The following FOXP2 variants were observed in gnomAD, a reference collection of about 807,000 sequenced individuals.
FOXP2 encodes the protein forkhead box protein P2.
A neutral mutation model predicts 115.8 loss-of-function variants in FOXP2; 12 were observed. The ratio of observed to expected loss-of-function variants is 0.10; its 90% CI spans 0.07 to 0.17. The LOEUF (loss-of-function observed/expected upper bound fraction) is 0.17. Among genes scored for constraint, FOXP2 ranks in the 10% least tolerant of loss-of-function variants. The pLI is 1.00. For synonymous variants in FOXP2, 328 were observed against 297.7 expected (o/e 1.10, Z -1.05); for missense variants, 629 against 843.5 (o/e 0.75, Z 3.15).
chr7:114,530,759 C>G (rs1340330252), intron 2 of FOXP2, among the ~76,000 whole-genome samples: 1 of 151,758 alleles, frequency 6.6e-6, no homozygotes, highest in Non-Finnish European at 1.5e-5. Flanking sequence ...AAAATTACTA[C>G]TAGTGAAGAA....
At chr7:114,240,546 A>G (rs1795125966) in intron 1 of FOXP2, among the ~76,000 whole-genome samples, 1 of 151,790 alleles carries the variant, frequency 6.6e-6, no homozygotes, top group Admixed American at 6.6e-5. Context: ...TCTTTATTTC[A>G]TGAGTATTGT....
chr7:114,176,905 G>A (rs1037781473), intron 1 of FOXP2, among the ~76,000 whole-genome samples: 2 of 151,974 alleles, frequency 1.3e-5, no homozygotes, highest in Non-Finnish European at 2.9e-5. Context: ...TTAACAACAT[G>A]GATTAGTATT....
intron 2 of FOXP2, among the ~76,000 whole-genome samples, chr7:114,305,476 T>TAC (rs1417058180): frequency 6.6e-6 from 1 of 152,116 alleles, no homozygotes; most frequent in Non-Finnish European, 1.5e-5. Context: ...AATACAGAGG[T>TAC]AGAGTTCTTG....
intron 3 of FOXP2, among the ~76,000 whole-genome samples, chr7:114,585,659 GT>G (rs1802096878): frequency 6.6e-6 from 1 of 151,240 alleles, no homozygotes; most frequent in Non-Finnish European, 1.5e-5. Flanking sequence ...ATGGCCAGGA[GT>G]TAAAGACCAG....
chr7:114,628,843 A>C, intron 4 of FOXP2, 166 bp downstream of exon 4: 1 of 787,508 alleles, frequency 1.3e-6, no homozygotes, highest in Non-Finnish European at 2.0e-6. Context: ...TCGTAAGAAA[A>C]TCTAGATTGC....
intron 3 of FOXP2, among the ~76,000 whole-genome samples, chr7:114,544,587 T>A (rs1489045741): frequency 6.6e-6 from 1 of 152,234 alleles, no homozygotes; most frequent in Non-Finnish European, 1.5e-5. Context: ...CTACTGCTAG[T>A]GCTACTGCAC....
Position 114,344,405 on chromosome 7 carries a change from C to T in FOXP2, c.-11+56296C>T, listed in dbSNP as rs769217990. Among the ~76,000 whole-genome samples the T allele has an allele frequency of 3.9e-5, 6 of 151,908 alleles. No individual in the cohort carries two copies. In the East Asian group the frequency reaches 1.2e-3, roughly 29 times the overall value. On this transcript the variant is annotated intron_variant, in intron 2 of 17. Coordinates refer to the FOXP2 transcript ENST00000634411. ...AGCACAGCGCTCCTTAGCAAGAAGA[C>T]GATTCCCCATTGTATGCCAACATTG...
At chr7:114,559,029 AC>A (rs1485426832) in intron 3 of FOXP2, among the ~76,000 whole-genome samples, 1 of 147,004 alleles carries the variant, frequency 6.8e-6, no homozygotes, top group Non-Finnish European at 1.5e-5. Context: ...AAATCCAGCT[AC>A]CTATTTTTTT....
At chr7:114,363,300 G>T (rs1444661485) in intron 2 of FOXP2, among the ~76,000 whole-genome samples, 3 of 151,960 alleles carry the variant, frequency 2.0e-5, no homozygotes, top group African/African-American at 7.2e-5. Flanking sequence ...TATACTATAT[G>T]CCCATAACAA....
chr7:114,585,322 C>T (rs528857132), intron 3 of FOXP2, among the ~76,000 whole-genome samples: 3 of 152,196 alleles, frequency 2.0e-5, no homozygotes, highest in African/African-American at 7.2e-5. Context: ...GTCAGAAAAT[C>T]TGTATTTCTA....
At chr7:114,222,425 C>T (rs1157627094) in intron 1 of FOXP2, among the ~76,000 whole-genome samples, 1 of 152,200 alleles carries the variant, frequency 6.6e-6, no homozygotes, top group Non-Finnish European at 1.5e-5. Flanking sequence ...GCTGGGATTA[C>T]AGGCATCAGC....
At chr7:114,280,426 A>G (rs555729208) in intron 1 of FOXP2, among the ~76,000 whole-genome samples, 14 of 152,202 alleles carry the variant, frequency 9.2e-5, no homozygotes, top group African/African-American at 2.4e-4. Flanking sequence ...ACCAAACAGT[A>G]TTTATGTTAT....
Position 114,691,881 on chromosome 7 carries a change from AG to A in FOXP2, c.*1958del. ...ATAAAAGGACATAACGGCTTTCAAA[AG>A]GGTTTTCCCACTTACCCAAAAGGCT... On this transcript the variant is annotated 3_prime_UTR_variant, in exon 17 of 17. Coordinates refer to ENST00000350908, the MANE Select transcript of FOXP2 (RefSeq NM_014491.4). The A allele has an allele frequency of 4.4e-6, 2 of 453,224 alleles. No homozygotes were observed. The highest frequency in any genetic ancestry group is 3.1e-5 in the South Asian group (2 of 64,306). 28.1% of individuals were successfully genotyped at this position (453,224 alleles called of 1,614,324 possible).
upstream of FOXP2, chr7:114,414,327 GTCTT>G (rs1190867922): frequency 2.0e-5 from 3 of 152,208 alleles, no homozygotes; most frequent in African/African-American, 7.2e-5. Context: ...GGGAGAGAAA[GTCTT>G]TCTTCTCTGC....
chr7:114,407,475 AC>A (rs1793062254), intron 2 of FOXP2, among the ~76,000 whole-genome samples: 1 of 152,092 alleles, frequency 6.6e-6, no homozygotes, highest in Non-Finnish European at 1.5e-5. Context: ...TGCACTGTGG[AC>A]TTTTTAAGTT....
At chr7:114,087,343 C>T (rs1799440185), upstream of FOXP2, among the ~76,000 whole-genome samples, 1 of 152,180 alleles carries the variant, frequency 6.6e-6, no homozygotes, top group Admixed American at 6.5e-5. Context: ...GTTCCTTTCC[C>T]TGTCCACGCG....
intron 3 of FOXP2, among the ~76,000 whole-genome samples, chr7:114,607,464 T>C (rs571084761): frequency 6.6e-6 from 1 of 152,208 alleles, no homozygotes; most frequent in African/African-American, 2.4e-5. Context: ...AAGATCAGAA[T>C]AGGCTGAGAT....
At chr7:114,359,568 A>G (rs1791697208) in intron 2 of FOXP2, among the ~76,000 whole-genome samples, 1 of 152,232 alleles carries the variant, frequency 6.6e-6, no homozygotes, top group Admixed American at 6.5e-5. Flanking sequence ...GTGGGGCTGT[A>G]TCCAGCAAAG....
Position 114,644,525 on chromosome 7 carries a change from G to A in FOXP2, c.990-160G>A, listed in dbSNP as rs1035271062. On this transcript the variant is annotated intron_variant, in intron 7 of 16. Transcript: ENST00000350908. ...ATTGGAACATCATCTAGCCTTGGCA[G>A]TTGAACTATTCAATAGAACGATTAA... Among the ~76,000 whole-genome samples the A allele has an allele frequency of 2.6e-5, 4 of 152,322 alleles. 1 individual carries two copies. Among genetic ancestry groups the A allele is most frequent in the South Asian group, 4.1e-4 (2 of 4,834 alleles).
Sources: allele counts gnomAD v4.1 joint callset (sites outside exome capture counted in the v4.1 genomes callset), GRCh38; gene constraint gnomAD v4.1.1; transcripts MANE v1.5; gene names NCBI Gene and HGNC (gene_info 2026-07-23, HGNC 2026-07-21).